The following LOXHD1 variants were observed in gnomAD, a reference collection of about 807,000 sequenced individuals.
LOXHD1 encodes the protein lipoxygenase homology domain-containing protein 1.
A neutral mutation model predicts 248.2 loss-of-function variants in LOXHD1; 205 were observed. That is an observed-to-expected ratio of 0.83 (90% CI 0.74 to 0.93). The LOEUF (loss-of-function observed/expected upper bound fraction) is 0.93. Ranked by LOEUF, LOXHD1 falls within the 40% of genes least tolerant of loss-of-function variation. The pLI, the probability that LOXHD1 is intolerant of heterozygous loss-of-function variation, is 0.00. For missense variants in LOXHD1, 2,930 were observed against 2,971.6 expected, an observed-to-expected ratio of 0.99 and a Z score of 0.33; for synonymous variants, 1,113 against 1,162.8, an observed-to-expected ratio of 0.96 and a Z score of 0.87.
intron 14 of LOXHD1, among the ~76,000 whole-genome samples, chr18:46,576,662 C>T (rs1677022172): frequency 6.6e-6 from 1 of 152,200 alleles, no homozygotes; most frequent in Admixed American, 6.5e-5. Flanking sequence ...CCTTGTAATA[C>T]AAACAGTGCT....
chr18:46,528,322 GC>G (rs1224460816), intron 29 of LOXHD1, among the ~76,000 whole-genome samples: 3 of 152,124 alleles, frequency 2.0e-5, no homozygotes, highest in African/African-American at 7.2e-5. Flanking sequence ...AGGAGCAAGG[GC>G]GGGGAGGGGC....
At chr18:46,505,522 T>C (rs985584145) in intron 37 of LOXHD1, among the ~76,000 whole-genome samples, 7 of 152,228 alleles carry the variant, frequency 4.6e-5, no homozygotes, top group Admixed American at 3.9e-4. Context: ...GGAAATGAAC[T>C]GGTGATTTAG....
At chr18:46,641,194 A>G (rs991417848) in intron 3 of LOXHD1, among the ~76,000 whole-genome samples, 1 of 152,080 alleles carries the variant, frequency 6.6e-6, no homozygotes, top group African/African-American at 2.4e-5. Flanking sequence ...AGAGTTCGTG[A>G]TATTGTATTT....
chr18:46,479,772 A>C (rs1248992033), intron 40 of LOXHD1, among the ~76,000 whole-genome samples: 6 of 151,322 alleles, frequency 4.0e-5, no homozygotes, highest in South Asian at 2.1e-4. Flanking sequence ...AGAAAAAAAA[A>C]AAAACAAAAA....
At chr18:46,520,934 C>A (rs970155962) in intron 33 of LOXHD1, among the ~76,000 whole-genome samples, 163 bp downstream of exon 33, 1 of 152,166 alleles carries the variant, frequency 6.6e-6, no homozygotes, top group Non-Finnish European at 1.5e-5. Flanking sequence ...GTTCAGTCTG[C>A]GGCTCCTAGC....
At chr18:46,626,167 A>G (rs896622147) in intron 4 of LOXHD1, among the ~76,000 whole-genome samples, 8 of 152,236 alleles carry the variant, frequency 5.3e-5, no homozygotes, top group African/African-American at 1.9e-4. Flanking sequence ...ACTGACAAAA[A>G]ATAGGGAACA....
chr18:46,628,488 C>T (rs531192972), intron 4 of LOXHD1, among the ~76,000 whole-genome samples: 10 of 152,184 alleles, frequency 6.6e-5, no homozygotes, highest in African/African-American at 2.2e-4. Context: ...GAGAGTGCTC[C>T]GTGAAGGAAA....
At chr18:46,486,784 T>A (rs1268335162) in intron 38 of LOXHD1, among the ~76,000 whole-genome samples, 1 of 152,154 alleles carries the variant, frequency 6.6e-6, no homozygotes, top group Non-Finnish European at 1.5e-5. Flanking sequence ...GTTTCCTACA[T>A]GGATTGAAAT....
intron 13 of LOXHD1, 69 bp downstream of exon 13, chr18:46,579,561 G>A: frequency 1.3e-6 from 2 of 1,543,092 alleles, no homozygotes; most frequent in South Asian, 1.2e-5. Context: ...AACAGGGCAG[G>A]GAAGACGAGG....
chr18:46,542,286 C>G (rs2036595443), intron 24 of LOXHD1, among the ~76,000 whole-genome samples: 1 of 152,136 alleles, frequency 6.6e-6, no homozygotes, highest in Non-Finnish European at 1.5e-5. Context: ...CTCAGGGATG[C>G]CAGGAAGAGC....
intron 26 of LOXHD1, among the ~76,000 whole-genome samples, chr18:46,536,321 G>T (rs1487729927): frequency 6.6e-6 from 1 of 152,006 alleles, no homozygotes; most frequent in Non-Finnish European, 1.5e-5. Flanking sequence ...TAGTGGCTGA[G>T]CCAGAATCAG....
intron 2 of LOXHD1, 48 bp from the exon 3 acceptor site, chr18:46,642,084 G>A: frequency 6.6e-7 from 1 of 1,507,256 alleles, no homozygotes; most frequent in Non-Finnish European, 9.0e-7. Context: ...TGGCTCACAG[G>A]CCTGGGAGGA....
intron 5 of LOXHD1, among the ~76,000 whole-genome samples, chr18:46,617,275 A>AT (rs1401933658): frequency 3.3e-5 from 5 of 151,966 alleles, no homozygotes; most frequent in Admixed American, 6.6e-5. Context: ...TGATGAGCAA[A>AT]TTTTTTCCTG....
At position 46,640,931 on chromosome 18, in the gene LOXHD1, C is replaced by T. The variant is rs924724999; in HGVS notation, c.326+1025G>A. ...GCAGTTGTTAACAGGACAACCACAG[C>T]TCAATACAGCACACAACCCCAACAG... On this transcript the variant is annotated intron_variant, in intron 3 of 40. Coordinates refer to ENST00000642948, the MANE Select transcript of LOXHD1 (RefSeq NM_001384474.1). 4.6e-5 allele frequency among the ~76,000 whole-genome samples: 7 copies of T among 152,178 alleles called. No homozygotes were observed. The East Asian group carries it at 1.4e-3, about 29-fold the overall frequency.
intron 21 of LOXHD1, among the ~76,000 whole-genome samples, chr18:46,548,540 C>A (rs986117): frequency 0.64 from 97,232 of 152,068 alleles, 31,877 homozygotes; most frequent in Non-Finnish European, 0.74. Context: ...ATTAGTGTTT[C>A]AGAGAAAAAT....
intron 13 of LOXHD1, among the ~76,000 whole-genome samples, chr18:46,578,774 T>C (rs2037906701): frequency 1.3e-5 from 2 of 152,252 alleles, no homozygotes; most frequent in Admixed American, 1.3e-4. Flanking sequence ...CAGCATCCAC[T>C]GTGTGCTGTG....
chr18:46,621,739 A>T lies in LOXHD1; in HGVS notation c.512-3449T>A, dbSNP rs76495964. Among the ~76,000 whole-genome samples, 756 of 146,262 alleles carry T rather than the reference A, an allele frequency of 5.2e-3. 20 individuals carry two copies. The East Asian group carries it at 0.072, about 14-fold the overall frequency. ...CAGAGAGAAAGGTGAAAGACCAATT[A>T]AAAAAAAAAATCCCTGCCCAAAGGC... On this transcript the variant is annotated intron_variant, in intron 4 of 40. Transcript: ENST00000642948.
chr18:46,632,247 T>C (rs1476677447), intron 4 of LOXHD1, among the ~76,000 whole-genome samples: 1 of 152,152 alleles, frequency 6.6e-6, no homozygotes, highest in Non-Finnish European at 1.5e-5. Flanking sequence ...AGGGGTGGGA[T>C]TTGAACCCAG....
intron 38 of LOXHD1, among the ~76,000 whole-genome samples, chr18:46,486,481 G>A (rs1313260641): frequency 1.3e-5 from 2 of 152,188 alleles, no homozygotes; most frequent in East Asian, 1.9e-4. Context: ...TAGAGGAAGA[G>A]ATCCACAGAA....
Sources: allele counts gnomAD v4.1 joint callset (sites outside exome capture counted in the v4.1 genomes callset), GRCh38; gene constraint gnomAD v4.1.1; transcripts MANE v1.5; gene names NCBI Gene and HGNC (gene_info 2026-07-23, HGNC 2026-07-21).